The following ACAA2 variants were observed in gnomAD, a reference collection of about 807,000 sequenced individuals.
The protein encoded by ACAA2 is acetyl-CoA acyltransferase 2.
In ACAA2, 35 loss-of-function variants were observed where a neutral mutation model predicts 44.8. That is an observed-to-expected ratio of 0.78 (90% CI 0.60 to 1.04). ACAA2 has a LOEUF of 1.04. ACAA2 is among the 50% of genes least tolerant of loss of function. The pLI is 0.00. For synonymous variants in ACAA2, 142 were observed against 166.5 expected, an observed-to-expected ratio of 0.85 and a Z score of 1.13; for missense variants, 468 against 482.6, an observed-to-expected ratio of 0.97 and a Z score of 0.28.
chr18:49,805,689 G>A (rs2023603154), intron 1 of ACAA2, among the ~76,000 whole-genome samples: 2 of 151,688 alleles, frequency 1.3e-5, no homozygotes, highest in Admixed American at 6.6e-5. Flanking sequence ...TGATCCCCCT[G>A]CCTCAGCCTC....
At chr18:49,796,849 G>A (rs1451623309) in intron 3 of ACAA2, among the ~76,000 whole-genome samples, 1 of 152,056 alleles carries the variant, frequency 6.6e-6, no homozygotes, top group Admixed American at 6.5e-5. Context: ...AATAGTTCTT[G>A]CTTCATAGGA....
intron 9 of ACAA2, among the ~76,000 whole-genome samples, chr18:49,784,666 A>G (rs2023306163): frequency 6.6e-6 from 1 of 152,174 alleles, no homozygotes; most frequent in Non-Finnish European, 1.5e-5. Flanking sequence ...AATATTCCAA[A>G]AATAGAAGAG....
At chr18:49,785,474 A>G in intron 8 of ACAA2, 123 bp from the exon 9 acceptor site, 2 of 895,674 alleles carry the variant, frequency 2.2e-6, no homozygotes, top group Non-Finnish European at 3.4e-6. Context: ...TACCTCGCAA[A>G]GTTATTTTAT....
chr18:49,795,503 G>A (rs571697273), intron 4 of ACAA2, among the ~76,000 whole-genome samples: 1 of 151,980 alleles, frequency 6.6e-6, no homozygotes, highest in East Asian at 1.9e-4. Flanking sequence ...CATGCCTATG[G>A]CCACTTACAC....
Position 49,802,987 on chromosome 18 carries a change from A to G in ACAA2, c.17-134T>C, listed in dbSNP as rs1472001468. ...AAATTTCTGTTAGGCAATAATACCTAGAACAAGTCATACCCATGGAAGCAG... is the reference window on the plus strand; with the variant it reads ...AAATTTCTGTTAGGCAATAATACCTGGAACAAGTCATACCCATGGAAGCAG... On this transcript the variant is annotated intron_variant, in intron 1 of 9. Coordinates refer to ENST00000285093, the MANE Select transcript of ACAA2 (RefSeq NM_006111.3). 3.0e-6 allele frequency: 3 copies of G among 1,008,590 alleles called. No homozygotes were observed. The African/African-American group carries it at 4.7e-5, about 16-fold the overall frequency. The allele number at this position is 1,008,590 out of a possible 1,614,324, so 62.5% of individuals were successfully genotyped here.
intron 1 of ACAA2, 102 bp from the exon 2 acceptor site, chr18:49,802,955 A>G: frequency 7.3e-7 from 1 of 1,370,858 alleles, no homozygotes; most frequent in Non-Finnish European, 1.0e-6. Flanking sequence ...TTAAAATTAG[A>G]TAATGGAAAT....
At chr18:49,793,597 T>C (rs1035484372) in intron 5 of ACAA2, among the ~76,000 whole-genome samples, 2 of 152,242 alleles carry the variant, frequency 1.3e-5, no homozygotes, top group African/African-American at 4.8e-5. Context: ...AGATGGACTT[T>C]ATCCTCATTA....
chr18:49,806,622 T>C (rs2023612831), intron 1 of ACAA2, among the ~76,000 whole-genome samples: 1 of 152,098 alleles, frequency 6.6e-6, no homozygotes, highest in Non-Finnish European at 1.5e-5. Context: ...AATCCACATA[T>C]GAGGAAACAA....
At chr18:49,802,631 T>TTTAGAAACTGA in intron 2 of ACAA2, 56 bp downstream of exon 2, 1 of 1,516,340 alleles carries the variant, frequency 6.6e-7, no homozygotes, top group Non-Finnish European at 8.9e-7. Flanking sequence ...AGGAATTATT[T>TTTAGAAACTGA]TTAGAAACTG....
At chr18:49,795,902 A>AT (rs1220625724) in intron 3 of ACAA2, 21 bp from the exon 4 acceptor site, 1 of 1,480,110 alleles carries the variant, frequency 6.8e-7, no homozygotes, top group African/African-American at 1.4e-5. Flanking sequence ...ACAAACAGTA[A>AT]TAAAAACTCC....
At position 49,797,501 on chromosome 18, in the gene ACAA2, C is replaced by T. The variant is rs1314501394; in HGVS notation, c.277G>A (p.Gly93Ser). The T allele has an allele frequency of 6.2e-7, 1 of 1,611,796 alleles. No homozygotes were observed. Among genetic ancestry groups the T allele is most frequent in the Non-Finnish European group, 8.5e-7 (1 of 1,179,680 alleles). ...TTCACAATGGACTGAAAACCAGAACCACAGAGCCTATTAATCGTGAGAGCT... is the reference window on the plus strand; with the variant it reads ...TTCACAATGGACTGAAAACCAGAACTACAGAGCCTATTAATCGTGAGAGCT... ...TPALTINRLC[G>S]SGFQSIVNGC... Residue 93 changes from glycine (G) to serine (S), a missense_variant, in exon 3 of 10, where the codon GGT becomes AGT. Physicochemically the swap from Gly to Ser is moderately conservative, Grantham distance 56. Transcript: ENST00000285093.
At chr18:49,787,543 G>A (rs2023347834) in intron 7 of ACAA2, among the ~76,000 whole-genome samples, 182 bp from the exon 8 acceptor site, 1 of 151,990 alleles carries the variant, frequency 6.6e-6, no homozygotes, top group African/African-American at 2.4e-5. Flanking sequence ...CAGAAAAAGG[G>A]CCCAGGCATG....
rs2023295119 is a variant in ACAA2 at position 49,783,890 on chromosome 18, C to A, written c.1151G>T (p.Gly384Val). 3.1e-6 allele frequency: 5 copies of A among 1,614,042 alleles called. No individual in the cohort carries two copies. In the East Asian group the frequency reaches 1.1e-4, roughly 36 times the overall value. The change falls in exon 10 of 10, where the codon GGA (glycine) becomes GTA (valine). Residue 384 changes from glycine to valine, a missense_variant. By Grantham distance (109) the Gly-to-Val change is moderately radical. Coordinates refer to ENST00000285093, the MANE Select transcript of ACAA2 (RefSeq NM_006111.3). ...GKYAVGSACI[G>V]GGQGIAVIIQ... ...GATGACAGCAATACCTTGGCCACCT[C>A]CAATGCAAGCTGATCCAACGGCATA...
chr18:49,803,122 G>GC (rs945473736), intron 1 of ACAA2, among the ~76,000 whole-genome samples: 1 of 151,634 alleles, frequency 6.6e-6, no homozygotes, highest in African/African-American at 2.4e-5. Flanking sequence ...TGCGCACCCC[G>GC]CCCCCCTTGC....
intron 5 of ACAA2, among the ~76,000 whole-genome samples, chr18:49,792,904 C>T (rs1025929426): frequency 2.6e-5 from 4 of 152,090 alleles, no homozygotes; most frequent in African/African-American, 9.7e-5. Flanking sequence ...ATTTACGATA[C>T]TGTCATGTGT....
At chr18:49,796,821 TA>T (rs2023470073) in intron 3 of ACAA2, among the ~76,000 whole-genome samples, 3 of 152,150 alleles carry the variant, frequency 2.0e-5, no homozygotes, top group Admixed American at 2.0e-4. Flanking sequence ...TCCTTGCCTG[TA>T]AAATGGGAAT....
At chr18:49,803,630 TTC>T (rs748127317) in intron 1 of ACAA2, among the ~76,000 whole-genome samples, 119 of 152,340 alleles carry the variant, frequency 7.8e-4, no homozygotes, top group Non-Finnish European at 7.8e-4. Flanking sequence ...AACTTTCTTG[TTC>T]TCTGATGCTT....
At position 49,803,057 on chromosome 18, in the gene ACAA2, G is replaced by A. The variant is rs1368985152; in HGVS notation, c.17-204C>T. ...TTGACAGTTTGATCTTTACCTACAT[G>A]CAGGTACCAAGAACTGCACTGCATG... is the stretch of plus-strand genomic sequence containing the variant. On this transcript the variant is annotated intron_variant, in intron 1 of 9. Transcript: ENST00000285093. 9.1e-5 allele frequency: 58 copies of A among 639,556 alleles called. 2 individuals carry two copies. The South Asian group carries it at 9.8e-4, about 11-fold the overall frequency. 39.6% of individuals were successfully genotyped at this position (639,556 alleles called of 1,614,324 possible).
chr18:49,803,203 A>G (rs1339086390), intron 1 of ACAA2, among the ~76,000 whole-genome samples: 2 of 150,664 alleles, frequency 1.3e-5, no homozygotes, highest in African/African-American at 4.9e-5. Context: ...ATAAATAGCC[A>G]GATGGCCTGG....
Sources: allele counts gnomAD v4.1 joint callset (sites outside exome capture counted in the v4.1 genomes callset), GRCh38; gene constraint gnomAD v4.1.1; transcripts MANE v1.5; gene names NCBI Gene and HGNC (gene_info 2026-07-23, HGNC 2026-07-21).